The following SCFD2 variants were observed in gnomAD, a reference collection of about 807,000 sequenced individuals.
The protein encoded by SCFD2 is sec1 family domain containing 2, also known as sec1 family domain-containing protein 2.
SCFD2 carries 54 observed loss-of-function variants against 58.9 expected under a neutral mutation model. The observed-to-expected ratio is 0.92, with a 90% CI of 0.74 to 1.15. The LOEUF (loss-of-function observed/expected upper bound fraction) is 1.15, where lower values mean the gene tolerates loss of function less well. Ranked by LOEUF, SCFD2 falls within the 50% of genes most tolerant of loss-of-function variation. SCFD2 has a pLI of 0.00. For synonymous variants in SCFD2, 321 were observed against 335.9 expected, an observed-to-expected ratio of 0.96 and a Z score of 0.49; for missense variants, 805 against 836.6, an observed-to-expected ratio of 0.96 and a Z score of 0.47.
intron 5 of SCFD2, among the ~76,000 whole-genome samples, chr4:53,100,288 C>T (rs150542655): frequency 1.9e-4 from 29 of 152,206 alleles, no homozygotes; most frequent in African/African-American, 7.0e-4. Flanking sequence ...CTTACTAGGG[C>T]TTCTAAGAAG....
intron 3 of SCFD2, among the ~76,000 whole-genome samples, chr4:53,297,463 G>T (rs561495484): frequency 6.8e-6 from 1 of 145,998 alleles, no homozygotes; most frequent in Non-Finnish European, 1.5e-5. Context: ...GCAACCCTTG[G>T]TTTTTTTTTT....
At chr4:52,986,491 ATTTTTTTTTTTT>A in intron 5 of SCFD2, among the ~76,000 whole-genome samples, 1 of 84,944 alleles carries the variant, frequency 1.2e-5, no homozygotes, top group East Asian at 4.1e-4. Context: ...TCTTCATGAA[ATTTTTTTTTTTT>A]TTTTTTTTTT....
intron 4 of SCFD2, among the ~76,000 whole-genome samples, chr4:53,207,978 T>A: frequency 6.7e-6 from 1 of 150,284 alleles, no homozygotes. Context: ...TTTCCCCCCA[T>A]ACAAAGTCTA....
chr4:53,229,304 C>G (rs1300286959), intron 4 of SCFD2, among the ~76,000 whole-genome samples: 3 of 152,196 alleles, frequency 2.0e-5, no homozygotes, highest in Admixed American at 6.5e-5. Flanking sequence ...AAAGAGCCCA[C>G]ATTGCCAAGT....
At chr4:53,299,718 A>C (rs1732198815) in intron 3 of SCFD2, among the ~76,000 whole-genome samples, 1 of 152,238 alleles carries the variant, frequency 6.6e-6, no homozygotes, top group South Asian at 2.1e-4. Context: ...TTACCCACAA[A>C]GGGAAGCCCA....
At chr4:53,215,397 T>C (rs1200015322) in intron 4 of SCFD2, among the ~76,000 whole-genome samples, 1 of 152,132 alleles carries the variant, frequency 6.6e-6, no homozygotes, top group Admixed American at 6.5e-5. Flanking sequence ...TCCTAGGTAT[T>C]TTATTCTCTT....
chr4:53,158,482 T>C (rs1726756516), intron 4 of SCFD2, among the ~76,000 whole-genome samples: 1 of 152,194 alleles, frequency 6.6e-6, no homozygotes, highest in Admixed American at 6.5e-5. Context: ...ACCATCACTC[T>C]TCCAGTTGAC....
At chr4:52,886,346 CCT>C (rs2109448014) in intron 7 of SCFD2, among the ~76,000 whole-genome samples, 1 of 152,360 alleles carries the variant, frequency 6.6e-6, no homozygotes, top group Non-Finnish European at 1.5e-5. Context: ...CCTTGCATCC[CCT>C]CTCTGCTGAG....
At chr4:53,057,048 G>A (rs1312236630) in intron 5 of SCFD2, among the ~76,000 whole-genome samples, 1 of 152,106 alleles carries the variant, frequency 6.6e-6, no homozygotes, top group Non-Finnish European at 1.5e-5. Flanking sequence ...AGCCAGGCGT[G>A]GTAGTGCAGG....
At chr4:53,295,342 A>C (rs1731988915) in intron 3 of SCFD2, among the ~76,000 whole-genome samples, 1 of 152,046 alleles carries the variant, frequency 6.6e-6, no homozygotes, top group Non-Finnish European at 1.5e-5. Flanking sequence ...GTGATCCTTG[A>C]AGAGGTCCTT....
intron 2 of SCFD2, among the ~76,000 whole-genome samples, chr4:53,331,183 TCAA>T (rs1733449960): frequency 6.6e-6 from 1 of 151,090 alleles, no homozygotes; most frequent in African/African-American, 2.4e-5. Flanking sequence ...ATTAGACAGA[TCAA>T]CGAGACAGAA....
At chr4:53,144,463 T>C (rs1428133741) in intron 5 of SCFD2, among the ~76,000 whole-genome samples, 1 of 148,352 alleles carries the variant, frequency 6.7e-6, no homozygotes, top group African/African-American at 2.5e-5. Context: ...ATATATATAC[T>C]GGACATATAG....
At chr4:53,337,933 A>G (rs2149141704) in intron 2 of SCFD2, among the ~76,000 whole-genome samples, 1 of 152,344 alleles carries the variant, frequency 6.6e-6, no homozygotes, top group South Asian at 2.1e-4. Flanking sequence ...GATAGGTCCA[A>G]TGTAATTACA....
intron 1 of SCFD2, among the ~76,000 whole-genome samples, chr4:53,353,994 C>T (rs1237524253): frequency 2.0e-5 from 3 of 152,252 alleles, no homozygotes; most frequent in African/African-American, 4.8e-5. Context: ...AAGTCCCCAC[C>T]CAACTCAAGA....
At chr4:53,103,111 G>A (rs1173300960) in intron 5 of SCFD2, among the ~76,000 whole-genome samples, 2 of 152,126 alleles carry the variant, frequency 1.3e-5, no homozygotes, top group African/African-American at 2.4e-5. Flanking sequence ...CAGGATGTTT[G>A]TATGGTCTCA....
intron 5 of SCFD2, among the ~76,000 whole-genome samples, chr4:53,053,944 TAG>T (rs1723253915): frequency 6.6e-6 from 1 of 152,190 alleles, no homozygotes; most frequent in Non-Finnish European, 1.5e-5. Flanking sequence ...TTCAAAGAAT[TAG>T]AATTATTCTT....
Position 53,365,220 on chromosome 4 carries a change from G to T in SCFD2, c.722C>A (p.Ser241Tyr), listed in dbSNP as rs1402545482. The T allele has an allele frequency of 2.5e-6, 4 of 1,614,008 alleles. No homozygotes were observed. The highest frequency in any genetic ancestry group is 3.4e-6 in the Non-Finnish European group (4 of 1,180,040). The change falls in exon 1 of 9, where the codon TCC (serine) becomes TAC (tyrosine). Residue 241 changes from serine (S) to tyrosine (Y), a missense_variant. By Grantham distance (144) the Ser-to-Tyr change is moderately radical. Coordinates refer to ENST00000401642, the MANE Select transcript of SCFD2 (RefSeq NM_152540.4). This position sits in a 1 kb window ranked among gnomAD's most constrained non-coding sequence, Gnocchi z 4.3. ...GVREECFAVG[S>Y]LSQVIAADLA... ...ATCCGCAGCGATGACCTGACTTAAG[G>T]AACCTACAGCAAAACACTCCTCCCG...
chr4:52,922,788 G>C lies in SCFD2; in HGVS notation c.1562-1918C>G, dbSNP rs180888548. 5.8e-3 allele frequency among the ~76,000 whole-genome samples: 880 copies of C among 152,290 alleles called. 15 individuals carry two copies. The highest frequency in any genetic ancestry group is 0.02 in the African/African-American group (834 of 41,564). On this transcript the variant is annotated intron_variant, in intron 5 of 8. Coordinates refer to ENST00000401642, the MANE Select transcript of SCFD2 (RefSeq NM_152540.4). ...TAACCTTTTGAGGAAGTGCTAAGCT[G>C]TTTTCCAAACTGATTGCACTATTTT... is the stretch of plus-strand genomic sequence containing the variant.
intron 7 of SCFD2, among the ~76,000 whole-genome samples, chr4:52,899,625 G>T (rs1377797773): frequency 6.6e-6 from 1 of 152,084 alleles, no homozygotes; most frequent in Non-Finnish European, 1.5e-5. Flanking sequence ...ACAATTATGT[G>T]TCTTGGAGTT....
Sources: allele counts gnomAD v4.1 joint callset (sites outside exome capture counted in the v4.1 genomes callset), GRCh38; gene constraint gnomAD v4.1.1; non-coding constraint Gnocchi (gnomAD v3.1); transcripts MANE v1.5; gene names NCBI Gene and HGNC (gene_info 2026-07-23, HGNC 2026-07-21).